GDPD4: variants seen among roughly 807,000 people sequenced by gnomAD.
GDPD4 encodes glycerophosphodiester phosphodiesterase 6.
Under a neutral mutation model 67.8 loss-of-function variants are expected in GDPD4, and 60 were observed. The observed-to-expected ratio is 0.88, with a 90% CI of 0.72 to 1.10. GDPD4 has a LOEUF of 1.10. GDPD4 is among the 50% of genes least tolerant of loss of function. The pLI, the probability that GDPD4 is intolerant of heterozygous loss-of-function variation, is 0.00. For synonymous variants in GDPD4, 212 were observed against 210.9 expected (o/e 1.00, Z -0.04); for missense variants, 623 against 613.9 (o/e 1.01, Z -0.16).
Position 77,217,260 on chromosome 11 carries a change from T to C in GDPD4, c.*17A>G, listed in dbSNP as rs746890970. ...ACTCGGACAGGAGGTTTCATGGCTA[T>C]GTGCAAATCTATCTATCTATCTATC... is the stretch of plus-strand genomic sequence containing the variant. On this transcript the variant is annotated 3_prime_UTR_variant, in exon 17 of 17. Transcript: ENST00000315938. 6.3e-7 allele frequency: 1 copy of C among 1,589,898 alleles called. No homozygotes were observed. Among genetic ancestry groups the C allele is most frequent in the Non-Finnish European group, 8.6e-7 (1 of 1,157,852 alleles).
At chr11:77,274,949 A>G (rs1195248917) in intron 5 of GDPD4, among the ~76,000 whole-genome samples, 1 of 152,218 alleles carries the variant, frequency 6.6e-6, no homozygotes, top group Non-Finnish European at 1.5e-5. Context: ...ACCATTAGAT[A>G]AAGAGTAAGT....
In GDPD4 at chr11:77,283,536, C is replaced by G. The variant is rs188511126; in HGVS notation, c.53+1549G>C. ...ATAAATATAAATAAATAAATTATACCATAGCATTTATATTTTAAATTGAAA... is the reference window on the plus strand; with the variant it reads ...ATAAATATAAATAAATAAATTATACGATAGCATTTATATTTTAAATTGAAA... On this transcript the variant is annotated intron_variant, in intron 3 of 16. Transcript: ENST00000315938. Among the ~76,000 whole-genome samples the G allele has an allele frequency of 4.4e-4, 67 of 151,900 alleles. 1 individual carries two copies. The East Asian group carries it at 0.012, about 28-fold the overall frequency.
At chr11:77,257,405 T>G (rs1276303886) in intron 11 of GDPD4, among the ~76,000 whole-genome samples, 1 of 152,156 alleles carries the variant, frequency 6.6e-6, no homozygotes, top group Non-Finnish European at 1.5e-5. Context: ...CACTCAAGGA[T>G]AATTCTAAAC....
chr11:77,295,642 A>G (rs1451737914), intron 1 of GDPD4, among the ~76,000 whole-genome samples: 1 of 152,180 alleles, frequency 6.6e-6, no homozygotes, highest in Admixed American at 6.5e-5. Context: ...AAATGAATAA[A>G]TAAAACCTAA....
chr11:77,235,943 G>A (rs187028774), intron 13 of GDPD4, among the ~76,000 whole-genome samples: 12 of 142,650 alleles, frequency 8.4e-5, no homozygotes, highest in East Asian at 2.1e-4. Context: ...GGGACAGAGC[G>A]AGACTTTGTC....
chr11:77,236,670 G>T (rs1274661659), intron 13 of GDPD4, among the ~76,000 whole-genome samples: 1 of 151,954 alleles, frequency 6.6e-6, no homozygotes, highest in Non-Finnish European at 1.5e-5. Context: ...AATTCACCAA[G>T]ATCTAATAAT....
At chr11:77,237,229 A>G (rs972149973) in intron 13 of GDPD4, among the ~76,000 whole-genome samples, 1 of 152,168 alleles carries the variant, frequency 6.6e-6, no homozygotes, top group Non-Finnish European at 1.5e-5. Flanking sequence ...TGTCCAATAA[A>G]TAAAGATACC....
At chr11:77,297,150 C>CA (rs1229730575) in intron 1 of GDPD4, among the ~76,000 whole-genome samples, 1 of 151,528 alleles carries the variant, frequency 6.6e-6, no homozygotes, top group Non-Finnish European at 1.5e-5. Flanking sequence ...CTTTCAAATA[C>CA]TTCATCTAAA....
At chr11:77,225,870 G>C (rs1234870148) in intron 16 of GDPD4, among the ~76,000 whole-genome samples, 1 of 152,092 alleles carries the variant, frequency 6.6e-6, no homozygotes, top group Non-Finnish European at 1.5e-5. Flanking sequence ...TGTGGTTATG[G>C]CTGAGGTCCT....
intron 13 of GDPD4, among the ~76,000 whole-genome samples, chr11:77,235,013 T>TTTG (rs1555115886): frequency 1.3e-3 from 67 of 53,028 alleles, no homozygotes; most frequent in African/African-American, 4.9e-3. Context: ...ATATCTGTTT[T>TTTG]TTTTTTTTTT....
chr11:77,260,942 G>A (rs1462479375), intron 10 of GDPD4, among the ~76,000 whole-genome samples: 1 of 152,160 alleles, frequency 6.6e-6, no homozygotes, highest in Admixed American at 6.5e-5. Flanking sequence ...TTATATATAT[G>A]TAAATGGAGT....
chr11:77,279,488 G>A (rs960182506), intron 3 of GDPD4, 89 bp from the exon 4 acceptor site: 17 of 744,674 alleles, frequency 2.3e-5, no homozygotes, highest in African/African-American at 2.3e-4. Context: ...ACTAGATAAG[G>A]CATAAGCAAA....
Position 77,276,151 on chromosome 11 carries a change from G to C in GDPD4, c.207+10C>G, listed in dbSNP as rs1207815770. 2.5e-6 allele frequency: 4 copies of C among 1,607,906 alleles called. No individual in the cohort carries two copies. Among genetic ancestry groups the C allele is most frequent in the Non-Finnish European group, 3.4e-6 (4 of 1,174,466 alleles). On this transcript the variant is annotated intron_variant, in intron 5 of 16. Transcript: ENST00000315938. ...GTCTAAGGTTTCCTATGTGGACTCA[G>C]ATGTCCTACCTTATGACACAAGTGC...
intron 16 of GDPD4, among the ~76,000 whole-genome samples, chr11:77,218,589 T>A (rs1369564918): frequency 1.3e-5 from 2 of 152,222 alleles, no homozygotes; most frequent in Non-Finnish European, 2.9e-5. Context: ...CTGCCCTGTA[T>A]GCAAGTGTTC....
intron 16 of GDPD4, among the ~76,000 whole-genome samples, chr11:77,217,850 C>T (rs1958153538): frequency 6.6e-6 from 1 of 152,096 alleles, no homozygotes; most frequent in African/African-American, 2.4e-5. Context: ...GGATGATATA[C>T]AAAAACAAGA....
intron 16 of GDPD4, among the ~76,000 whole-genome samples, chr11:77,225,377 CAGT>C (rs376620759): frequency 0.012 from 1,749 of 150,602 alleles, 12 homozygotes; most frequent in Middle Eastern, 0.018. Context: ...TCCCAGAAAG[CAGT>C]GGTGGAGCAG....
chr11:77,244,656 T>C (rs547192942), intron 12 of GDPD4, among the ~76,000 whole-genome samples: 11 of 152,190 alleles, frequency 7.2e-5, no homozygotes, highest in South Asian at 6.2e-4. Flanking sequence ...CTGGGCAACA[T>C]AGGGAGGCCC....
At chr11:77,266,953 C>G (rs1591560566) in intron 10 of GDPD4, among the ~76,000 whole-genome samples, 1 of 152,196 alleles carries the variant, frequency 6.6e-6, no homozygotes, top group Non-Finnish European at 1.5e-5. Context: ...TTTATAAAGT[C>G]TTCAGTAGTG....
chr11:77,262,654 G>GA (rs918270658), intron 10 of GDPD4, among the ~76,000 whole-genome samples: 1 of 152,046 alleles, frequency 6.6e-6, no homozygotes, highest in African/African-American at 2.4e-5. Flanking sequence ...CAGAGGAACA[G>GA]AATCAGCATG....
Sources: allele counts gnomAD v4.1 joint callset (sites outside exome capture counted in the v4.1 genomes callset), GRCh38; gene constraint gnomAD v4.1.1; transcripts MANE v1.5; gene names NCBI Gene and HGNC (gene_info 2026-07-23, HGNC 2026-07-21).